Variants in SPINK5 observed in about 807,000 individuals in gnomAD.
SPINK5 encodes the protein serine peptidase inhibitor Kazal type 5.
SPINK5 carries 125 observed loss-of-function variants against 151.8 expected under a neutral mutation model. That is an observed-to-expected ratio of 0.82 (90% CI 0.71 to 0.96). SPINK5 has a LOEUF of 0.96. SPINK5 is among the 40% of genes least tolerant of loss of function. The probability of loss-of-function intolerance (pLI) is 0.00; values close to 1 mark genes in which losing one functional copy is unlikely to be tolerated. For synonymous variants in SPINK5, 374 were observed against 395.3 expected (o/e 0.95, Z 0.64); for missense variants, 1,194 against 1,291.9 (o/e 0.92, Z 1.16).
intron 32 of SPINK5, 140 bp downstream of exon 32, chr5:148,134,027 T>A: frequency 1.3e-6 from 1 of 779,198 alleles, no homozygotes; most frequent in Non-Finnish European, 2.2e-6. Context: ...ATTGGTCACA[T>A]TTTCACTATA....
intron 29 of SPINK5, among the ~76,000 whole-genome samples, chr5:148,126,307 A>AATG (rs10653454): frequency 0.54 from 80,877 of 150,596 alleles, 22,787 homozygotes; most frequent in Admixed American, 0.63. Context: ...GGACATTATA[A>AATG]ATGATGATGA....
intron 28 of SPINK5, 87 bp downstream of exon 28, chr5:148,124,924 A>G: frequency 7.4e-7 from 1 of 1,356,516 alleles, no homozygotes; most frequent in Non-Finnish European, 9.6e-7. Context: ...AATAATAAAT[A>G]TATTAATATC....
At chr5:148,125,005 G>A (rs1349622045) in intron 28 of SPINK5, 168 bp downstream of exon 28, 13 of 1,007,170 alleles carry the variant, frequency 1.3e-5, no homozygotes, top group Non-Finnish European at 1.7e-5. Context: ...GGGGGTTTGG[G>A]GGTTTGATAC....
intron 1 of SPINK5, 113 bp downstream of exon 1, chr5:148,064,212 C>T (rs1752517698): frequency 9.4e-7 from 1 of 1,069,034 alleles, no homozygotes; most frequent in Non-Finnish European, 1.4e-6. Context: ...ATGTATAATC[C>T]TGAAATGTCT....
Position 148,107,127 on chromosome 5 carries a change from A to C in SPINK5, c.1570A>C (p.Met524Leu). 1 of 1,613,024 alleles carries C rather than the reference A, an allele frequency of 6.2e-7. No homozygotes were observed. The highest frequency in any genetic ancestry group is 1.3e-5 in the African/African-American group (1 of 74,988). The change falls in exon 17 of 33, where the codon ATG becomes CTG. Residue 524 changes from methionine to leucine, a missense_variant. Physicochemically the swap from Met to Leu is conservative, Grantham distance 15 (BLOSUM62 2). Transcript: ENST00000256084. ...HNPVRGPDGKMHGNKCAMCAS... is the reference protein window; with the variant it reads ...HNPVRGPDGKLHGNKCAMCAS... The stretch of plus-strand genomic sequence containing the variant: ...TCCTGTCCGTGGCCCAGATGGCAAA[A>C]TGCATGGAAACAAGTGTGCCATGTG...
chr5:148,107,268 T>C, intron 17 of SPINK5, 104 bp downstream of exon 17: 1 of 1,511,238 alleles, frequency 6.6e-7, no homozygotes, highest in East Asian at 2.4e-5. Context: ...GAGTTATATA[T>C]TAGAAAGGTT....
intron 28 of SPINK5, 28 bp from the exon 29 acceptor site, chr5:148,125,695 T>C (rs1381561915): frequency 9.3e-6 from 15 of 1,614,184 alleles, no homozygotes; most frequent in Non-Finnish European, 1.3e-5. Context: ...GACAAAGCCA[T>C]GTTCACTTTC....
At chr5:148,105,031 C>A in intron 16 of SPINK5, 31 bp downstream of exon 16, 1 of 1,608,960 alleles carries the variant, frequency 6.2e-7, no homozygotes, top group Non-Finnish European at 8.5e-7. Context: ...GATGCTGTGC[C>A]CTGACATTTT....
At chr5:148,124,015 T>C (rs1425969974) in intron 27 of SPINK5, 55 bp downstream of exon 27, 1 of 1,603,170 alleles carries the variant, frequency 6.2e-7, no homozygotes, top group Admixed American at 1.7e-5. Context: ...TGCTAGAAAT[T>C]AGTTTTTGTT....
chr5:148,080,449 G>T (rs1421751433), intron 4 of SPINK5, among the ~76,000 whole-genome samples: 2 of 151,228 alleles, frequency 1.3e-5, no homozygotes, highest in East Asian at 2.0e-4. Flanking sequence ...TTTAAATTTT[G>T]TTATAATGCA....
intron 3 of SPINK5, among the ~76,000 whole-genome samples, chr5:148,071,146 T>C (rs1362590743): frequency 3.3e-5 from 5 of 152,070 alleles, no homozygotes; most frequent in Admixed American, 1.3e-4. Context: ...TCCTAATTTG[T>C]TTTTGAAAAG....
intron 26 of SPINK5, among the ~76,000 whole-genome samples, 192 bp downstream of exon 26, chr5:148,120,583 T>C (rs1027990501): frequency 1.3e-5 from 2 of 152,156 alleles, no homozygotes; most frequent in Admixed American, 6.5e-5. Flanking sequence ...TCTGATGCAA[T>C]TGTAGAACCA....
intron 18 of SPINK5, among the ~76,000 whole-genome samples, chr5:148,109,281 T>A (rs17107747): frequency 6.6e-6 from 1 of 151,954 alleles, no homozygotes; most frequent in Middle Eastern, 3.2e-3. Context: ...GTTTGCATTC[T>A]TTAACATCTC....
intron 5 of SPINK5, among the ~76,000 whole-genome samples, chr5:148,087,796 C>T (rs1399672610): frequency 6.6e-6 from 1 of 151,726 alleles, no homozygotes; most frequent in Non-Finnish European, 1.5e-5. Flanking sequence ...CATACTTCTC[C>T]TTGTGTTGTT....
chr5:148,094,325 G>A, intron 8 of SPINK5, 29 bp from the exon 9 acceptor site: 2 of 1,608,196 alleles, frequency 1.2e-6, no homozygotes, highest in Non-Finnish European at 1.7e-6. Flanking sequence ...ATGAAATGAA[G>A]TAAAATAAAT....
At chr5:148,080,131 A>G (rs1262258363) in intron 4 of SPINK5, among the ~76,000 whole-genome samples, 1 of 151,326 alleles carries the variant, frequency 6.6e-6, no homozygotes, top group African/African-American at 2.4e-5. Context: ...TTGAAAATTA[A>G]AATATTTCAT....
At chr5:148,122,512 A>G (rs141889279) in intron 26 of SPINK5, among the ~76,000 whole-genome samples, 1 of 152,312 alleles carries the variant, frequency 6.6e-6, no homozygotes, top group African/African-American at 2.4e-5. Context: ...AGGAAGTTCC[A>G]GAGACTTCTG....
chr5:148,077,036 A>G (rs533075504), intron 4 of SPINK5, among the ~76,000 whole-genome samples: 3 of 151,720 alleles, frequency 2.0e-5, no homozygotes, highest in Non-Finnish European at 4.4e-5. Flanking sequence ...TGAGAGAAAA[A>G]GGAATACAAA....
intron 2 of SPINK5, 25 bp downstream of exon 2, chr5:148,065,397 T>C: frequency 1.2e-6 from 2 of 1,613,060 alleles, no homozygotes; most frequent in Non-Finnish European, 1.7e-6. Flanking sequence ...TTCTGTTCAT[T>C]GAATTCATTC....
Sources: allele counts gnomAD v4.1 joint callset (sites outside exome capture counted in the v4.1 genomes callset), GRCh38; gene constraint gnomAD v4.1.1; transcripts MANE v1.5; gene names NCBI Gene and HGNC (gene_info 2026-07-23, HGNC 2026-07-21).